Variants in FAM120A observed in about 807,000 individuals in gnomAD.
FAM120A encodes family with sequence similarity 120 member A, also known as constitutive coactivator of PPAR-gamma-like protein 1.
Under a neutral mutation model 109.7 loss-of-function variants are expected in FAM120A, and 15 were observed. That is an observed-to-expected ratio of 0.14 (90% CI 0.09 to 0.21). FAM120A has a LOEUF of 0.21. Among genes scored for constraint, FAM120A ranks in the 10% least tolerant of loss-of-function variants. FAM120A has a pLI of 1.00. For synonymous variants in FAM120A, 493 were observed against 572.8 expected (o/e 0.86, Z 1.99); for missense variants, 899 against 1,439.3 (o/e 0.62, Z 6.07).
chr9:93,550,425 G>C (rs1862056385), intron 11 of FAM120A, 152 bp from the exon 12 acceptor site: 1 of 604,058 alleles, frequency 1.7e-6, no homozygotes, highest in Admixed American at 2.7e-5. Flanking sequence ...ATCATCAAAT[G>C]AAAGTAGAAA....
intron 2 of FAM120A, among the ~76,000 whole-genome samples, chr9:93,474,833 T>C (rs1216424386): frequency 6.6e-6 from 1 of 152,220 alleles, no homozygotes; most frequent in Non-Finnish European, 1.5e-5. Flanking sequence ...GACCTCATGA[T>C]CCGCCCACCT....
At chr9:93,540,834 A>G (rs1193799037) in intron 10 of FAM120A, among the ~76,000 whole-genome samples, 2 of 152,246 alleles carry the variant, frequency 1.3e-5, no homozygotes, top group Non-Finnish European at 2.9e-5. Flanking sequence ...ATTGAGAAGG[A>G]AAATCTTCTA....
chr9:93,452,722 G>C lies in FAM120A; in HGVS notation c.474+333G>C. ...TAGTTTTTCCCATCCTATTTGAGGC[G>C]GGCAGGCTATCACTCACCTTCAACT... On this transcript the variant is annotated intron_variant, in intron 1 of 17. Coordinates refer to ENST00000277165, the MANE Select transcript of FAM120A (RefSeq NM_014612.5). This position sits in a 1 kb window ranked among gnomAD's most constrained non-coding sequence, Gnocchi z 7.0. 6.3e-7 allele frequency: 1 copy of C among 1,598,342 alleles called. No individual in the cohort carries two copies.
chr9:93,558,460 G>A (rs1167910302), intron 14 of FAM120A, 121 bp from the exon 15 acceptor site: 1 of 1,249,424 alleles, frequency 8.0e-7, no homozygotes, highest in Non-Finnish European at 1.1e-6. Flanking sequence ...TGACAAGAGG[G>A]GCCAGGAGAC....
chr9:93,472,119 G>A (rs1858337314), intron 2 of FAM120A, among the ~76,000 whole-genome samples: 1 of 152,116 alleles, frequency 6.6e-6, no homozygotes, highest in Non-Finnish European at 1.5e-5. Flanking sequence ...AATTAGCCGG[G>A]CATGGTGGTG....
At chr9:93,533,530 G>T (rs1173681701) in intron 10 of FAM120A, among the ~76,000 whole-genome samples, 1 of 152,180 alleles carries the variant, frequency 6.6e-6, no homozygotes, top group Non-Finnish European at 1.5e-5. Context: ...CATTGTAAAT[G>T]ACATTCTTCT....
At chr9:93,539,000 T>C (rs1253332606) in intron 10 of FAM120A, among the ~76,000 whole-genome samples, 1 of 128,284 alleles carries the variant, frequency 7.8e-6, no homozygotes, top group African/African-American at 2.6e-5. Flanking sequence ...AGCCCTAGAG[T>C]TGTTTTTTTT....
intron 10 of FAM120A, among the ~76,000 whole-genome samples, chr9:93,535,020 A>G (rs1861464294): frequency 6.6e-6 from 1 of 152,216 alleles, no homozygotes; most frequent in Non-Finnish European, 1.5e-5. Context: ...GTACTTCTTC[A>G]ATGGTAAATG....
At chr9:93,549,964 G>A (rs533043378) in intron 11 of FAM120A, among the ~76,000 whole-genome samples, 98 of 152,326 alleles carry the variant, frequency 6.4e-4, no homozygotes, top group Non-Finnish European at 1.3e-3. Flanking sequence ...TGTTCTAGTT[G>A]AAGTTGAAGA....
chr9:93,452,154 C>G lies in FAM120A; in HGVS notation c.239C>G (p.Ala80Gly), dbSNP rs2131162614. ...AACCACATGCTTGGCTACCTGGCGG[C>G]GCTGGCCAAGGCCTGCTTCGGCGGC... Reference protein sequence around the residue: ...QWNHMLGYLAALAKACFGGNI... With the variant: ...QWNHMLGYLAGLAKACFGGNI... Residue 80 changes from alanine to glycine, a missense_variant, in exon 1 of 18, where the codon GCG becomes GGG. Physicochemically the swap from Ala to Gly is moderately conservative, Grantham distance 60. This residue lies in a region of FAM120A where 258 missense variants were observed against 451.4 expected (regional missense o/e 0.57). Coordinates refer to ENST00000277165, the MANE Select transcript of FAM120A (RefSeq NM_014612.5). This position sits in a 1 kb window ranked among gnomAD's most constrained non-coding sequence, Gnocchi z 7.0. 1 of 1,611,888 alleles carries G rather than the reference C, an allele frequency of 6.2e-7. No homozygotes were observed. Among genetic ancestry groups the G allele is most frequent in the Non-Finnish European group, 8.5e-7 (1 of 1,179,782 alleles).
intron 4 of FAM120A, 120 bp downstream of exon 4, chr9:93,497,719 A>G (rs1465596626): frequency 1.6e-6 from 2 of 1,253,952 alleles, no homozygotes; most frequent in Admixed American, 5.9e-5. Flanking sequence ...TGGGTCTGAG[A>G]GCTCTTGCTC....
At chr9:93,523,438 TC>T in intron 7 of FAM120A, 1 of 554,140 alleles carries the variant, frequency 1.8e-6, no homozygotes, top group Non-Finnish European at 2.8e-6. Flanking sequence ...ATGCTCTTGT[TC>T]CAGACAGATA....
intron 17 of FAM120A, among the ~76,000 whole-genome samples, chr9:93,562,735 G>A (rs889484566): frequency 7.1e-6 from 1 of 141,290 alleles, no homozygotes; most frequent in Non-Finnish European, 1.5e-5. Flanking sequence ...CACAATCTCC[G>A]CTCACTGCAA....
At chr9:93,454,222 C>G (rs535870901) in intron 1 of FAM120A, among the ~76,000 whole-genome samples, 1 of 152,142 alleles carries the variant, frequency 6.6e-6, no homozygotes, top group Non-Finnish European at 1.5e-5. Context: ...TTTGCTTTTG[C>G]TAAGCTTTTA....
At chr9:93,514,651 G>C (rs1860485932) in intron 5 of FAM120A, among the ~76,000 whole-genome samples, 1 of 152,202 alleles carries the variant, frequency 6.6e-6, no homozygotes, top group Non-Finnish European at 1.5e-5. Context: ...AGTGTTCTGA[G>C]AGGGAGTGCA....
chr9:93,499,600 A>G lies in FAM120A; in HGVS notation c.1030+714A>G, dbSNP rs193078996. ...ACCACGTTCAGCCTGCAAAAGACCA[A>G]AAGTTAATTCAGAGATTTGAAATTG... On this transcript the variant is annotated intron_variant, in intron 5 of 17. Coordinates refer to ENST00000277165, the MANE Select transcript of FAM120A (RefSeq NM_014612.5). 2.1e-3 allele frequency among the ~76,000 whole-genome samples: 315 copies of G among 152,332 alleles called. 1 individual carries two copies. Among genetic ancestry groups the G allele is most frequent in the African/African-American group, 7.1e-3 (295 of 41,590 alleles).
chr9:93,522,446 C>T (rs994573891), intron 7 of FAM120A, among the ~76,000 whole-genome samples: 7 of 152,082 alleles, frequency 4.6e-5, no homozygotes, highest in African/African-American at 1.7e-4. Context: ...CCTTTTCTTC[C>T]ATCTTTTATC....
At chr9:93,520,402 A>C (rs1226907995) in intron 7 of FAM120A, among the ~76,000 whole-genome samples, 1 of 152,240 alleles carries the variant, frequency 6.6e-6, no homozygotes, top group Non-Finnish European at 1.5e-5. Context: ...CAAGGGAAGC[A>C]GCCATCAAGA....
intron 2 of FAM120A, among the ~76,000 whole-genome samples, chr9:93,473,624 A>G (rs1183548872): frequency 3.3e-5 from 5 of 152,090 alleles, no homozygotes; most frequent in Admixed American, 3.3e-4. Context: ...ATAATTTTTT[A>G]TATGTTATTT....
Sources: gnomAD v4.1 joint callset for allele counts (sites outside exome capture counted in the v4.1 genomes callset) on GRCh38, gnomAD v4.1.1 for gene constraint, gnomAD v4.1.1 regional missense constraint, Gnocchi (gnomAD v3.1) non-coding constraint, MANE v1.5 for transcripts, NCBI Gene and HGNC (gene_info 2026-07-23, HGNC 2026-07-21) for gene names.